The following NKAIN2 variants were observed in gnomAD, a reference collection of about 807,000 sequenced individuals.
NKAIN2 encodes the protein sodium/potassium transporting ATPase interacting 2.
In NKAIN2, 14 loss-of-function variants were observed where a neutral mutation model predicts 32.6. The ratio of observed to expected loss-of-function variants is 0.43; its 90% CI spans 0.28 to 0.67. The LOEUF (loss-of-function observed/expected upper bound fraction) is 0.67. Among genes scored for constraint, NKAIN2 ranks in the 30% least tolerant of loss-of-function variants. The pLI is 0.17. For missense variants in NKAIN2, 198 were observed against 258.3 expected, an observed-to-expected ratio of 0.77 and a Z score of 1.60; for synonymous variants, 80 against 87.2, an observed-to-expected ratio of 0.92 and a Z score of 0.46.
At chr6:124,803,075 T>G (rs1200363527) in intron 5 of NKAIN2, among the ~76,000 whole-genome samples, 5 of 152,184 alleles carry the variant, frequency 3.3e-5, no homozygotes, top group African/African-American at 9.7e-5. Flanking sequence ...TACACTCAGC[T>G]GGGTGTTGTC....
intron 4 of NKAIN2, among the ~76,000 whole-genome samples, chr6:124,721,274 G>C (rs2114632195): frequency 6.6e-6 from 1 of 151,834 alleles, no homozygotes; most frequent in Admixed American, 6.6e-5. Flanking sequence ...CGCAGTGGCG[G>C]GCGCCTGTAG....
chr6:124,352,810 C>G (rs1444034991), intron 2 of NKAIN2, among the ~76,000 whole-genome samples: 1 of 152,176 alleles, frequency 6.6e-6, no homozygotes, highest in Non-Finnish European at 1.5e-5. Context: ...TGAAGTTCCT[C>G]TCTTGCTACA....
At chr6:124,602,479 G>A (rs1032219659) in intron 3 of NKAIN2, among the ~76,000 whole-genome samples, 4 of 151,902 alleles carry the variant, frequency 2.6e-5, no homozygotes, top group Admixed American at 6.6e-5. Context: ...GAAGGACTTT[G>A]AGAATTGAAA....
chr6:124,515,708 T>TTC (rs1778884595), intron 3 of NKAIN2, among the ~76,000 whole-genome samples: 1 of 3,438 alleles, frequency 2.9e-4, no homozygotes, highest in Non-Finnish European at 0.011. Flanking sequence ...TTTTCTTCGC[T>TTC]TTCTCTCCGT....
rs185779938 is a variant in NKAIN2, at chr6:123,963,960, T to C, written c.54+159706T>C. Among the ~76,000 whole-genome samples the C allele has an allele frequency of 2.5e-4, 38 of 152,288 alleles. 1 individual carries two copies. In the East Asian group the frequency reaches 6.2e-3, roughly 25 times the overall value. On this transcript the variant is annotated intron_variant, in intron 1 of 6. Transcript: ENST00000368417. ...TGCCCATTTTATAGGACTAGGAGTA[T>C]AATGATGATATTTTAAATTATTATA...
chr6:124,798,528 A>G (rs1485792808), intron 5 of NKAIN2, among the ~76,000 whole-genome samples: 6 of 152,044 alleles, frequency 3.9e-5, no homozygotes, highest in Admixed American at 3.9e-4. Flanking sequence ...CACGCCACTA[A>G]TCTCTCACTA....
At chr6:124,293,420 T>G (rs1016683823) in intron 2 of NKAIN2, among the ~76,000 whole-genome samples, 2 of 152,116 alleles carry the variant, frequency 1.3e-5, no homozygotes, top group African/African-American at 4.8e-5. Flanking sequence ...GTAATATTTT[T>G]AAAATTATGC....
intron 2 of NKAIN2, among the ~76,000 whole-genome samples, chr6:124,327,847 T>C (rs1452656229): frequency 2.6e-5 from 4 of 152,144 alleles, no homozygotes; most frequent in African/African-American, 7.2e-5. Flanking sequence ...CCACATTACA[T>C]TAAGAAGAAA....
rs189761540 is a variant in NKAIN2 at position 123,985,846 on chromosome 6, C to T, written c.54+181592C>T. On this transcript the variant is annotated intron_variant, in intron 1 of 6. Coordinates refer to ENST00000368417, the MANE Select transcript of NKAIN2 (RefSeq NM_001040214.3). ...AACTAGAAAGAGAAGGAATACTTAA[C>T]CAGGGAAAAATGATTTAATGTAGAA... is the stretch of plus-strand genomic sequence containing the variant. 5.3e-5 allele frequency among the ~76,000 whole-genome samples: 8 copies of T among 151,990 alleles called. No individual in the cohort carries two copies. The East Asian group carries it at 1.6e-3, about 30-fold the overall frequency.
chr6:124,727,226 G>A (rs1197151732), intron 4 of NKAIN2, among the ~76,000 whole-genome samples: 21 of 151,576 alleles, frequency 1.4e-4, no homozygotes, highest in African/African-American at 4.4e-4. Flanking sequence ...GATACTCCTC[G>A]AGAAGAGCAA....
chr6:123,883,635 CTT>C (rs201598563), intron 1 of NKAIN2, among the ~76,000 whole-genome samples: 53 of 120,618 alleles, frequency 4.4e-4, no homozygotes, highest in East Asian at 1.7e-3. Flanking sequence ...AATTAAACCT[CTT>C]TTTTAAAAAA....
At chr6:123,990,703 A>G (rs1451384932) in intron 1 of NKAIN2, among the ~76,000 whole-genome samples, 1 of 152,190 alleles carries the variant, frequency 6.6e-6, no homozygotes, top group Non-Finnish European at 1.5e-5. Flanking sequence ...AATCTAAACC[A>G]TAACCACTAC....
intron 1 of NKAIN2, among the ~76,000 whole-genome samples, chr6:123,853,775 CTT>C (rs1247862956): frequency 1.3e-4 from 18 of 141,232 alleles, no homozygotes; most frequent in Admixed American, 1.4e-4. Context: ...GATAAATTTC[CTT>C]TTTTTTTTTT....
chr6:124,409,397 G>T (rs1774039261), intron 3 of NKAIN2, among the ~76,000 whole-genome samples: 1 of 152,078 alleles, frequency 6.6e-6, no homozygotes, highest in South Asian at 2.1e-4. Context: ...AGAGTTTTTA[G>T]CATGAAGGGT....
intron 1 of NKAIN2, among the ~76,000 whole-genome samples, chr6:124,041,456 T>G (rs892991816): frequency 6.6e-6 from 1 of 151,860 alleles, no homozygotes; most frequent in Admixed American, 6.6e-5. Flanking sequence ...CTATTGATAT[T>G]TTTATTTGTT....
chr6:124,395,517 T>C (rs1437824362), intron 3 of NKAIN2, among the ~76,000 whole-genome samples: 5 of 152,154 alleles, frequency 3.3e-5, no homozygotes, highest in Non-Finnish European at 5.9e-5. Flanking sequence ...CCAAAAGAGA[T>C]AAAAGAAATG....
chr6:124,559,321 G>A (rs1780597829), intron 3 of NKAIN2, among the ~76,000 whole-genome samples: 1 of 152,142 alleles, frequency 6.6e-6, no homozygotes, highest in Non-Finnish European at 1.5e-5. Context: ...CAGGGGTTTT[G>A]AGAGTGTGTA....
intron 4 of NKAIN2, among the ~76,000 whole-genome samples, chr6:124,718,261 C>T (rs950316651): frequency 3.9e-5 from 6 of 152,168 alleles, no homozygotes; most frequent in African/African-American, 1.2e-4. Context: ...CATCCCCTGG[C>T]AACTACAAAT....
intron 1 of NKAIN2, among the ~76,000 whole-genome samples, chr6:124,184,888 C>T (rs1471864800): frequency 6.6e-6 from 1 of 151,916 alleles, no homozygotes; most frequent in Non-Finnish European, 1.5e-5. Flanking sequence ...GAACAGTAGA[C>T]TGGTGACAAG....
Sources: gnomAD v4.1 joint callset for allele counts (sites outside exome capture counted in the v4.1 genomes callset) on GRCh38, gnomAD v4.1.1 for gene constraint, MANE v1.5 for transcripts, NCBI Gene and HGNC (gene_info 2026-07-23, HGNC 2026-07-21) for gene names.